PALLD: variants seen among roughly 807,000 people sequenced by gnomAD.
PALLD encodes the protein palladin.
PALLD carries 61 observed loss-of-function variants against 123.5 expected under a neutral mutation model. That is an observed-to-expected ratio of 0.49 (90% CI 0.40 to 0.61). The LOEUF (loss-of-function observed/expected upper bound fraction) is 0.61, where lower values mean the gene tolerates loss of function less well. Among genes scored for constraint, PALLD ranks in the 20% least tolerant of loss-of-function variants. PALLD has a pLI of 0.00. For synonymous variants in PALLD, 465 were observed against 496.4 expected (o/e 0.94, Z 0.84); for missense variants, 1,273 against 1,377.0 (o/e 0.92, Z 1.20).
intron 2 of PALLD, among the ~76,000 whole-genome samples, chr4:168,663,143 G>T (rs1779285737): frequency 6.6e-6 from 1 of 152,198 alleles, no homozygotes; most frequent in Admixed American, 6.5e-5. Context: ...TGCCCTGTTT[G>T]AAAATGTAGG....
chr4:168,906,369 A>G (rs970009712), intron 15 of PALLD, among the ~76,000 whole-genome samples: 3 of 152,222 alleles, frequency 2.0e-5, no homozygotes, highest in African/African-American at 7.2e-5. Flanking sequence ...TACATGTGGA[A>G]AAGTTCTCAG....
At chr4:168,812,817 TAAAC>T (rs889122972) in intron 10 of PALLD, among the ~76,000 whole-genome samples, 13 of 152,202 alleles carry the variant, frequency 8.5e-5, no homozygotes, top group African/African-American at 2.4e-4. Flanking sequence ...TTTTTGCACT[TAAAC>T]AAAGGTAGGG....
At chr4:168,905,296 A>G (rs748133090) in intron 15 of PALLD, among the ~76,000 whole-genome samples, 252 of 149,700 alleles carry the variant, frequency 1.7e-3, no homozygotes, top group Non-Finnish European at 2.5e-3. Flanking sequence ...GACTACAGGC[A>G]CCCACCATGC....
intron 21 of PALLD, 196 bp downstream of exon 21, chr4:168,925,474 C>T (rs535380079): frequency 4.7e-5 from 28 of 599,504 alleles, no homozygotes; most frequent in Non-Finnish European, 6.9e-5. Context: ...TATATTCTAT[C>T]GCAGTGTCCT....
intron 2 of PALLD, among the ~76,000 whole-genome samples, chr4:168,568,984 A>G (rs549227690): frequency 6.6e-6 from 1 of 152,240 alleles, no homozygotes; most frequent in East Asian, 1.9e-4. Flanking sequence ...GGAAAGACTA[A>G]TTTAAAAAAA....
chr4:168,810,836 A>AG (rs2150739148), intron 10 of PALLD, among the ~76,000 whole-genome samples: 2 of 148,186 alleles, frequency 1.3e-5, no homozygotes, highest in East Asian at 3.9e-4. Flanking sequence ...AGAAAAAAAA[A>AG]GAAGAAGAAG....
chr4:168,771,868 G>A (rs1182099275), intron 10 of PALLD, among the ~76,000 whole-genome samples: 1 of 152,208 alleles, frequency 6.6e-6, no homozygotes, highest in African/African-American at 2.4e-5. Flanking sequence ...GCAGCGGCAT[G>A]TCGTTGTCAC....
chr4:168,698,075 G>T (rs1446400671), intron 8 of PALLD, among the ~76,000 whole-genome samples: 1 of 152,182 alleles, frequency 6.6e-6, no homozygotes, highest in African/African-American at 2.4e-5. Flanking sequence ...CAACAACATG[G>T]ATGGAACTGG....
intron 2 of PALLD, among the ~76,000 whole-genome samples, chr4:168,599,989 G>A (rs1180500450): frequency 6.7e-6 from 1 of 149,494 alleles, no homozygotes; most frequent in African/African-American, 2.4e-5. Flanking sequence ...ATACATACAT[G>A]TGTATACACA....
intron 10 of PALLD, among the ~76,000 whole-genome samples, chr4:168,792,389 T>A (rs2150608792): frequency 6.6e-6 from 1 of 152,230 alleles, no homozygotes; most frequent in South Asian, 2.1e-4. Context: ...AGAACTAACC[T>A]AGGGAATATT....
At chr4:168,698,572 A>G (rs1324274318) in intron 8 of PALLD, among the ~76,000 whole-genome samples, 3 of 152,044 alleles carry the variant, frequency 2.0e-5, no homozygotes, top group Non-Finnish European at 4.4e-5. Context: ...TCCAGCAACA[A>G]CTATATTCCT....
intron 10 of PALLD, among the ~76,000 whole-genome samples, chr4:168,818,441 A>T (rs1033438875): frequency 2.0e-5 from 3 of 152,176 alleles, no homozygotes; most frequent in African/African-American, 7.2e-5. Context: ...CTACAAAAAA[A>T]TATTTCGAAA....
chr4:168,756,241 A>G lies in PALLD; in HGVS notation c.1964+44318A>G, dbSNP rs12510359. Reference sequence around the variant, plus strand: ...ATCCCAAGCCCAGAAAGATGAGTTCATCCTTAAAGGAAATGACATTGAACT... The same window carrying G: ...ATCCCAAGCCCAGAAAGATGAGTTCGTCCTTAAAGGAAATGACATTGAACT... On this transcript the variant is annotated intron_variant, in intron 10 of 21. Coordinates refer to ENST00000505667, the MANE Select transcript of PALLD (RefSeq NM_001166108.2). The G allele has an allele frequency of 0.5, 92,870 of 187,304 alleles. 25,933 individuals are homozygous for G. Among genetic ancestry groups the G allele is most frequent in the Non-Finnish European group, 0.62 (54,416 of 87,714 alleles). 11.6% of individuals were successfully genotyped at this position (187,304 alleles called of 1,614,324 possible).
intron 10 of PALLD, among the ~76,000 whole-genome samples, chr4:168,823,018 C>T (rs901898923): frequency 2.0e-5 from 3 of 151,822 alleles, no homozygotes; most frequent in African/African-American, 7.3e-5. Context: ...GCACTTTTGC[C>T]TTTGTGGGTC....
At chr4:168,585,138 G>A (rs1357051877) in intron 2 of PALLD, among the ~76,000 whole-genome samples, 1 of 152,176 alleles carries the variant, frequency 6.6e-6, no homozygotes, top group Non-Finnish European at 1.5e-5. Flanking sequence ...AAAGATGTAG[G>A]AACACAGGAC....
chr4:168,695,478 C>T (rs187292564), intron 8 of PALLD, among the ~76,000 whole-genome samples: 9 of 152,322 alleles, frequency 5.9e-5, no homozygotes, highest in African/African-American at 1.9e-4. Flanking sequence ...TCAAACTTGA[C>T]ATTTGACAGA....
rs540984628 is a variant in PALLD, at chr4:168,598,397, C to T, written c.909-69793C>T. ...CCTGAGACTTGTTAAGCTGTCAGCA[C>T]CAAGCTGACTTAATATTCCAGGAAA... On this transcript the variant is annotated intron_variant, in intron 2 of 21. Transcript: ENST00000505667. The T allele has an allele frequency of 1.4e-3, 878 of 626,164 alleles. 8 individuals are homozygous for T. The highest frequency in any genetic ancestry group is 0.012 in the Middle Eastern group (25 of 2,040). The allele number at this position is 626,164 out of a possible 1,614,324, so 38.8% of individuals were successfully genotyped here.
intron 2 of PALLD, among the ~76,000 whole-genome samples, chr4:168,544,005 TTC>T (rs1447841736): frequency 2.6e-5 from 4 of 152,262 alleles, no homozygotes; most frequent in African/African-American, 4.8e-5. Context: ...TTTATATATA[TTC>T]TTTCTCCATT....
chr4:168,807,791 T>C (rs529448052), intron 10 of PALLD, among the ~76,000 whole-genome samples: 3 of 152,180 alleles, frequency 2.0e-5, no homozygotes, highest in Admixed American at 1.3e-4. Context: ...CTGCAACTTC[T>C]GCCTGGCAGG....
Sources: allele counts gnomAD v4.1 joint callset (sites outside exome capture counted in the v4.1 genomes callset), GRCh38; gene constraint gnomAD v4.1.1; transcripts MANE v1.5; gene names NCBI Gene and HGNC (gene_info 2026-07-23, HGNC 2026-07-21).